Variants in CRIPT observed in about 807,000 individuals in gnomAD.
The protein encoded by CRIPT is CXXC repeat containing interactor of PDZ3 domain, also known as cysteine-rich PDZ-binding protein.
In CRIPT, 20 loss-of-function variants were observed where a neutral mutation model predicts 16.6. The ratio of observed to expected loss-of-function variants is 1.20; its 90% confidence interval spans 0.85 to 1.75. The LOEUF (loss-of-function observed/expected upper bound fraction) is 1.75. Ranked by LOEUF, CRIPT falls within the 40% of genes most tolerant of loss-of-function variation. The probability of loss-of-function intolerance (pLI) is 0.00; values close to 1 mark genes in which losing one functional copy is unlikely to be tolerated. For missense variants in CRIPT, 133 were observed against 115.3 expected, an observed-to-expected ratio of 1.15 and a Z score of -0.70; for synonymous variants, 42 against 37.0, an observed-to-expected ratio of 1.14 and a Z score of -0.49.
rs1451409501 is a variant in CRIPT, at chr2:46,627,568, C to G, written c.*3341C>G. ...AAGCGATTCTCATGCCTCAGCCTCC[C>G]AACCTAACTGGGATTACAGGCACAT... On this transcript the variant is annotated 3_prime_UTR_variant, in exon 5 of 5. Transcript: ENST00000238892. 6.6e-6 allele frequency among the ~76,000 whole-genome samples: 1 copy of G among 151,998 alleles called. No homozygotes were observed. The highest frequency in any genetic ancestry group is 1.5e-5 in the Non-Finnish European group (1 of 67,986).
rs879328286 is a variant in CRIPT at position 46,622,812 on chromosome 2, C to CA, written c.138-940dup. On this transcript the variant is annotated intron_variant, in intron 3 of 4. Transcript: ENST00000238892. ...TGGGCGATAGAGTGAGATTCAGTCT[C>CA]AAAAAAAAAAAAGTGATATTCTCTG... Among the ~76,000 whole-genome samples, 208 of 136,724 alleles carry CA rather than the reference C, an allele frequency of 1.5e-3. 1 individual carries two copies. The highest frequency in any genetic ancestry group is 8.7e-3 in the East Asian group (42 of 4,848). The allele number at this position is 136,724 out of a possible 152,430, so 89.7% of individuals were successfully genotyped here. A position where few individuals can be genotyped will look rare whatever the true frequency, so the allele number is the denominator to read the frequency against.
Position 46,629,348 on chromosome 2 carries a change from G to T in CRIPT, c.*5121G>T, listed in dbSNP as rs1208062280. On this transcript the variant is annotated 3_prime_UTR_variant, in exon 5 of 5. Transcript: ENST00000238892. The stretch of plus-strand genomic sequence containing the variant: ...ACATGCACTTCATAAGAACAAGCAT[G>T]CTGTCTTACCCAAGTACAGCTATCA... Among the ~76,000 whole-genome samples, 2 of 152,148 alleles carry T rather than the reference G, an allele frequency of 1.3e-5. No individual in the cohort carries two copies. The highest frequency in any genetic ancestry group is 1.3e-4 in the Admixed American group (2 of 15,284).
chr2:46,627,491 T>G lies in CRIPT; in HGVS notation c.*3264T>G, dbSNP rs1670967858. Among the ~76,000 whole-genome samples, 1 of 152,064 alleles carries G rather than the reference T, an allele frequency of 6.6e-6. No homozygotes were observed. The highest frequency in any genetic ancestry group is 2.4e-5 in the African/African-American group (1 of 41,468). ...CAGAGTCTCCTTCTGTTGCCCAGGC[T>G]GGAGTACAGTGGTACAATCTTGGCT... On this transcript the variant is annotated 3_prime_UTR_variant, in exon 5 of 5. Coordinates refer to ENST00000238892, the MANE Select transcript of CRIPT (RefSeq NM_014171.6).
chr2:46,623,556 A>T (rs925934637), intron 3 of CRIPT, among the ~76,000 whole-genome samples: 2 of 152,180 alleles, frequency 1.3e-5, no homozygotes, highest in Non-Finnish European at 2.9e-5. Flanking sequence ...CTGATTCTTT[A>T]TAAGTATATA....
intron 3 of CRIPT, among the ~76,000 whole-genome samples, chr2:46,623,440 C>A (rs1173317452): frequency 3.9e-5 from 6 of 152,174 alleles, no homozygotes; most frequent in Admixed American, 3.9e-4. Context: ...TGGAATCAGT[C>A]ACTCTTTTTG....
Position 46,626,992 on chromosome 2 carries a change from G to A in CRIPT, c.*2765G>A, listed in dbSNP as rs903794502. Among the ~76,000 whole-genome samples the A allele has an allele frequency of 3.0e-4, 45 of 151,886 alleles. No individual in the cohort carries two copies. The highest frequency in any genetic ancestry group is 8.8e-5 in the Non-Finnish European group (6 of 67,954). ...GGATTACAGGTGCCTGCCACCAAGC[G>A]TGGCTAATTTTGGTACTTTTAGTAG... On this transcript the variant is annotated 3_prime_UTR_variant, in exon 5 of 5. Coordinates refer to ENST00000238892, the MANE Select transcript of CRIPT (RefSeq NM_014171.6).
Position 46,623,749 on chromosome 2 carries a change from A to G in CRIPT, c.138-15A>G, listed in dbSNP as rs775301061. ...GTGTAATATACAATTTTCTCTCTTTAAAAAAAATTTCTAGATTTGATCCAT... is the reference window on the plus strand; with the variant it reads ...GTGTAATATACAATTTTCTCTCTTTGAAAAAAATTTCTAGATTTGATCCAT... On this transcript the variant is annotated splice_polypyrimidine_tract_variant and intron_variant, in intron 3 of 4. Transcript: ENST00000238892. The G allele has an allele frequency of 4.7e-6, 7 of 1,490,526 alleles. No individual in the cohort carries two copies. In the African/African-American group the frequency reaches 9.8e-5, roughly 21 times the overall value. 92.3% of individuals were successfully genotyped at this position (1,490,526 alleles called of 1,614,324 possible).
At chr2:46,621,222 T>TG (rs1670797102) in intron 3 of CRIPT, among the ~76,000 whole-genome samples, 1 of 152,206 alleles carries the variant, frequency 6.6e-6, no homozygotes, top group Non-Finnish European at 1.5e-5. Context: ...CCCCCTACCA[T>TG]GTTCTTACAA....
At position 46,617,366 on chromosome 2, in the gene CRIPT, T is replaced by A. The variant is rs1460931994; in HGVS notation, c.16+68T>A. The A allele has an allele frequency of 5.3e-6, 8 of 1,515,036 alleles. No individual in the cohort carries two copies. In the East Asian group the frequency reaches 1.5e-4, roughly 28 times the overall value. The allele number at this position is 1,515,036 out of a possible 1,614,324, so 93.8% of individuals were successfully genotyped here. On this transcript the variant is annotated intron_variant, in intron 1 of 4. Transcript: ENST00000238892. The stretch of plus-strand genomic sequence containing the variant: ...AACCTAACTGAGCTCTCCCGGGAAC[T>A]TTGCTTTCTCGTTGTTTTTTCTTCG...
intron 3 of CRIPT, among the ~76,000 whole-genome samples, chr2:46,620,310 G>GGCA (rs1670768733): frequency 1.3e-5 from 2 of 152,194 alleles, no homozygotes; most frequent in South Asian, 4.2e-4. Context: ...AACTGGGTGT[G>GGCA]GCAGCACGCG....
chr2:46,619,394 C>G (rs762716781), intron 2 of CRIPT, among the ~76,000 whole-genome samples: 13 of 151,706 alleles, frequency 8.6e-5, no homozygotes, highest in Admixed American at 2.0e-4. Flanking sequence ...TAGACCCATT[C>G]CTAAAGTACT....
Position 46,628,801 on chromosome 2 carries a change from A to G in CRIPT, c.*4574A>G, listed in dbSNP as rs1671005366. On this transcript the variant is annotated 3_prime_UTR_variant, in exon 5 of 5. Transcript: ENST00000238892. ...GAAAACCCTAAAACAAAACATGAAC[A>G]TAAAATATTTTTAAAAGGAAGACAT... 6.6e-6 allele frequency among the ~76,000 whole-genome samples: 1 copy of G among 152,258 alleles called. No individual in the cohort carries two copies. The highest frequency in any genetic ancestry group is 1.5e-5 in the Non-Finnish European group (1 of 68,034).
In CRIPT at chr2:46,627,472, C is replaced by G. The variant is rs987643701; in HGVS notation, c.*3245C>G. Among the ~76,000 whole-genome samples the G allele has an allele frequency of 6.7e-6, 1 of 150,130 alleles. No individual in the cohort carries two copies. Among genetic ancestry groups the G allele is most frequent in the African/African-American group, 2.5e-5 (1 of 40,784 alleles). On this transcript the variant is annotated 3_prime_UTR_variant, in exon 5 of 5. Coordinates refer to ENST00000238892, the MANE Select transcript of CRIPT (RefSeq NM_014171.6). ...TTTTTTTTTTCCCCAAAGACAGAGTCTCCTTCTGTTGCCCAGGCTGGAGTA... is the reference window on the plus strand; with the variant it reads ...TTTTTTTTTTCCCCAAAGACAGAGTGTCCTTCTGTTGCCCAGGCTGGAGTA...
chr2:46,626,634 T>A lies in CRIPT; in HGVS notation c.*2407T>A, dbSNP rs1345885866. 6.6e-6 allele frequency among the ~76,000 whole-genome samples: 1 copy of A among 152,156 alleles called. No homozygotes were observed. Among genetic ancestry groups the A allele is most frequent in the African/African-American group, 2.4e-5 (1 of 41,422 alleles). ...CCACAGCCTCACCAGCATCTGTTAT[T>A]TTTTTGACTTTTTGATAATAGCCAT... On this transcript the variant is annotated 3_prime_UTR_variant, in exon 5 of 5. Coordinates refer to ENST00000238892, the MANE Select transcript of CRIPT (RefSeq NM_014171.6).
In CRIPT at chr2:46,617,226, G is replaced by A. The variant is rs1218308706; in HGVS notation, c.-57G>A. 6.4e-7 allele frequency: 1 copy of A among 1,551,256 alleles called. No homozygotes were observed. Among genetic ancestry groups the A allele is most frequent in the East Asian group, 2.4e-5 (1 of 41,088 alleles). ...AATACTTCCAAGTTGTAGTGTTGTT[G>A]TTTTCAGCCTGCTGCTGCTGCTGCT... On this transcript the variant is annotated 5_prime_UTR_variant, in exon 1 of 5. Transcript: ENST00000238892.
At chr2:46,622,083 G>A (rs1670817756) in intron 3 of CRIPT, among the ~76,000 whole-genome samples, 1 of 152,188 alleles carries the variant, frequency 6.6e-6, no homozygotes, top group African/African-American at 2.4e-5. Flanking sequence ...AGATTTCCAA[G>A]GTTAGGCCGG....
chr2:46,629,178 T>C lies in CRIPT; in HGVS notation c.*4951T>C, dbSNP rs543597433. 2.6e-5 allele frequency among the ~76,000 whole-genome samples: 4 copies of C among 152,304 alleles called. No homozygotes were observed. The highest frequency in any genetic ancestry group is 9.6e-5 in the African/African-American group (4 of 41,562). ...TTTTTCTCTGGAGTGGGTGTAAGGG[T>C]AGAGACTTAACTCTTTACATCCTTA... On this transcript the variant is annotated 3_prime_UTR_variant, in exon 5 of 5. Coordinates refer to ENST00000238892, the MANE Select transcript of CRIPT (RefSeq NM_014171.6).
Position 46,625,695 on chromosome 2 carries a change from A to G in CRIPT, c.*1468A>G, listed in dbSNP as rs917465111. On this transcript the variant is annotated 3_prime_UTR_variant, in exon 5 of 5. Coordinates refer to ENST00000238892, the MANE Select transcript of CRIPT (RefSeq NM_014171.6). ...CATTGTTATTTATTCATATCCAGAA[A>G]AATTACAAGGATAATACAGAATATA... The G allele has an allele frequency of 2.0e-5, 3 of 152,152 alleles. No individual in the cohort carries two copies. Among genetic ancestry groups the G allele is most frequent in the African/African-American group, 7.2e-5 (3 of 41,428 alleles). 9.4% of individuals were successfully genotyped at this position (152,152 alleles called of 1,614,324 possible).
In CRIPT at chr2:46,628,452, A is replaced by G. The variant is rs1286282076; in HGVS notation, c.*4225A>G. On this transcript the variant is annotated 3_prime_UTR_variant, in exon 5 of 5. Transcript: ENST00000238892. ...TGAAAAATGATGTTTGTAGTTTGATAGGAATAGCATTGAATCTGTGGATTG... is the reference window on the plus strand; with the variant it reads ...TGAAAAATGATGTTTGTAGTTTGATGGGAATAGCATTGAATCTGTGGATTG... 6.6e-6 allele frequency among the ~76,000 whole-genome samples: 1 copy of G among 152,230 alleles called. No homozygotes were observed. Among genetic ancestry groups the G allele is most frequent in the Admixed American group, 6.5e-5 (1 of 15,284 alleles).
Sources: allele counts gnomAD v4.1 joint callset (sites outside exome capture counted in the v4.1 genomes callset), GRCh38; gene constraint gnomAD v4.1.1; transcripts MANE v1.5; gene names NCBI Gene and HGNC (gene_info 2026-07-23, HGNC 2026-07-21).